The following ITPA variants were observed in gnomAD, a reference collection of about 807,000 sequenced individuals.
ITPA encodes the protein inosine triphosphate pyrophosphatase.
In ITPA, 29 loss-of-function variants were observed where a neutral mutation model predicts 29.6. The observed-to-expected ratio is 0.98, with a 90% confidence interval of 0.73 to 1.34. The LOEUF is 1.34. ITPA is among the 40% of genes most tolerant of loss of function. The pLI, the probability that ITPA is intolerant of heterozygous loss-of-function variation, is 0.00. For synonymous variants in ITPA, 103 were observed against 99.3 expected, an observed-to-expected ratio of 1.04 and a Z score of -0.22; for missense variants, 241 against 251.5, an observed-to-expected ratio of 0.96 and a Z score of 0.28.
At chr20:3,211,544 G>A (rs1336166220) in intron 1 of ITPA, among the ~76,000 whole-genome samples, 1 of 151,842 alleles carries the variant, frequency 6.6e-6, no homozygotes, top group African/African-American at 2.4e-5. Context: ...CCAGGCTGGA[G>A]TGCAGTGGCA....
chr20:3,208,627 C>G (rs1009411731), upstream of ITPA, among the ~76,000 whole-genome samples: 3 of 152,234 alleles, frequency 2.0e-5, no homozygotes, highest in Non-Finnish European at 2.9e-5. Flanking sequence ...CCACTCGCCT[C>G]AGCCTCCCAA....
intron 6 of ITPA, 26 bp from the exon 7 acceptor site, chr20:3,221,815 C>T (rs754020793): frequency 3.1e-6 from 5 of 1,612,122 alleles, no homozygotes; most frequent in Non-Finnish European, 4.2e-6. Flanking sequence ...CCCAGTTACA[C>T]ACCTGTCCCC....
intron 7 of ITPA, 140 bp from the exon 8 acceptor site, chr20:3,223,226 G>GCC: frequency 1.4e-6 from 1 of 697,514 alleles, no homozygotes; most frequent in South Asian, 1.5e-5. Flanking sequence ...TTCACTGGCT[G>GCC]CCAGGAGCTG....
chr20:3,220,461 G>A (rs576534530), intron 6 of ITPA, among the ~76,000 whole-genome samples: 8 of 152,130 alleles, frequency 5.3e-5, no homozygotes, highest in Non-Finnish European at 1.0e-4. Context: ...CCTCACGGCA[G>A]AAGCAGAATT....
At chr20:3,225,193 A>G (rs748237271), downstream of ITPA, among the ~76,000 whole-genome samples, 1 of 151,952 alleles carries the variant, frequency 6.6e-6, no homozygotes, top group Non-Finnish European at 1.5e-5. Context: ...ACAGTGTGAG[A>G]CCCTGTCTCA....
At chr20:3,222,418 G>A (rs1382801151) in intron 7 of ITPA, among the ~76,000 whole-genome samples, 1 of 152,030 alleles carries the variant, frequency 6.6e-6, no homozygotes, top group Non-Finnish European at 1.5e-5. Context: ...CACCATGTTG[G>A]CCAGGCTGGT....
At chr20:3,211,492 T>TTTTGTTTG (rs145405860) in intron 1 of ITPA, among the ~76,000 whole-genome samples, 52,405 of 150,038 alleles carry the variant, frequency 0.35, 9,588 homozygotes, top group South Asian at 0.57. Context: ...TTTTGTTTTG[T>TTTTGTTTG]TTTGTTTGTT....
At chr20:3,205,623 C>A (rs866430910), upstream of ITPA, among the ~76,000 whole-genome samples, 2 of 152,014 alleles carry the variant, frequency 1.3e-5, no homozygotes, top group Middle Eastern at 3.4e-3. Flanking sequence ...TCACCTGAGC[C>A]CAGGGAGGTC....
In ITPA at chr20:3,221,212, TTC is replaced by T. The variant is rs112821205; in HGVS notation, c.412-627_412-626del. Reference sequence around the variant, plus strand: ...TGGCCAGATTTTCTTTTTCTTTTCTTTCTTTTTTTTTTTTACTTTGATAACAA... The same window carrying T: ...TGGCCAGATTTTCTTTTTCTTTTCTTTTTTTTTTTTTTACTTTGATAACAA... On this transcript the variant is annotated intron_variant, in intron 6 of 7. Coordinates refer to ENST00000380113, the MANE Select transcript of ITPA (RefSeq NM_033453.4). Among the ~76,000 whole-genome samples the T allele has an allele frequency of 4.4e-4, 66 of 148,526 alleles. 1 individual carries two copies. The highest frequency in any genetic ancestry group is 1.2e-3 in the African/African-American group (47 of 38,992).
At chr20:3,207,212 C>T (rs1470700533), upstream of ITPA, among the ~76,000 whole-genome samples, 1 of 152,138 alleles carries the variant, frequency 6.6e-6, no homozygotes, top group African/African-American at 2.4e-5. Flanking sequence ...ACCTCAGCCT[C>T]CTAAACAGCT....
intron 6 of ITPA, 181 bp downstream of exon 6, chr20:3,218,813 G>A: frequency 1.5e-6 from 1 of 659,000 alleles, no homozygotes. Flanking sequence ...TCCTAGGAGG[G>A]TGGTGGAAAG....
chr20:3,218,838 A>C, intron 6 of ITPA: 1 of 631,522 alleles, frequency 1.6e-6, no homozygotes, highest in Non-Finnish European at 2.9e-6. Flanking sequence ...CCCTGGGGCC[A>C]GAGTAGTTGC....
upstream of ITPA, chr20:3,204,440 G>T (rs2067056598): frequency 7.7e-7 from 1 of 1,296,822 alleles, no homozygotes; most frequent in Non-Finnish European, 1.1e-6. Context: ...CGCCCGCCCA[G>T]GTGCGCACGC....
At chr20:3,216,833 C>T (rs1213018602) in intron 5 of ITPA, among the ~76,000 whole-genome samples, 1 of 152,032 alleles carries the variant, frequency 6.6e-6, no homozygotes, top group African/African-American at 2.4e-5. Flanking sequence ...GGTGGTCCCA[C>T]CTCGGCCTCC....
intron 4 of ITPA, among the ~76,000 whole-genome samples, chr20:3,214,282 A>G (rs568262443): frequency 2.0e-5 from 3 of 152,096 alleles, no homozygotes; most frequent in Non-Finnish European, 2.9e-5. Flanking sequence ...CGCATTTGAG[A>G]AGTACATTCA....
chr20:3,218,302 TC>T (rs1274360574), intron 5 of ITPA, among the ~76,000 whole-genome samples: 12 of 152,224 alleles, frequency 7.9e-5, no homozygotes, highest in African/African-American at 2.7e-4. Flanking sequence ...AAGCCTTGTA[TC>T]GTCAGCCTGT....
intron 1 of ITPA, among the ~76,000 whole-genome samples, chr20:3,210,455 C>T (rs2067145902): frequency 6.6e-6 from 1 of 152,174 alleles, no homozygotes; most frequent in African/African-American, 2.4e-5. Context: ...GTTCAATCAG[C>T]CATAGCCATG....
chr20:3,204,749 A>G, upstream of ITPA: 9 of 932,060 alleles, frequency 9.7e-6, no homozygotes, highest in Non-Finnish European at 1.4e-5. Context: ...GGCACATCAC[A>G]GAGAGGCTTT....
At chr20:3,206,658 G>A (rs1259222866), upstream of ITPA, among the ~76,000 whole-genome samples, 4 of 151,358 alleles carry the variant, frequency 2.6e-5, no homozygotes, top group South Asian at 6.2e-4. Flanking sequence ...GTGAAACCCC[G>A]TCTCTACTAA....
Sources: allele counts gnomAD v4.1 joint callset (sites outside exome capture counted in the v4.1 genomes callset), GRCh38; gene constraint gnomAD v4.1.1; transcripts MANE v1.5; gene names NCBI Gene and HGNC (gene_info 2026-07-23, HGNC 2026-07-21).